Variants in SEMA3A observed in about 807,000 individuals in gnomAD.
SEMA3A encodes semaphorin-3A.
In SEMA3A, 29 loss-of-function variants were observed where a neutral mutation model predicts 97.9. The observed-to-expected ratio is 0.30, with a 90% CI of 0.22 to 0.40. The LOEUF is 0.40. SEMA3A is among the 10% of genes least tolerant of loss of function. The pLI is 1.00. For missense variants in SEMA3A, 763 were observed against 951.3 expected (o/e 0.80, Z 2.60); for synonymous variants, 321 against 323.7 (o/e 0.99, Z 0.09).
intron 1 of SEMA3A, among the ~76,000 whole-genome samples, chr7:84,423,395 C>T (rs555420323): frequency 6.6e-6 from 1 of 152,172 alleles, no homozygotes; most frequent in South Asian, 2.1e-4. Context: ...TGCCTTGAGA[C>T]CTTTGATTTG....
intron 2 of SEMA3A, among the ~76,000 whole-genome samples, chr7:84,333,157 G>T (rs568434446): frequency 6.6e-6 from 1 of 152,072 alleles, no homozygotes; most frequent in Non-Finnish European, 1.5e-5. Flanking sequence ...TGTCAAATTA[G>T]AAATAGCTTT....
intron 1 of SEMA3A, among the ~76,000 whole-genome samples, chr7:84,170,254 T>G (rs958805154): frequency 6.6e-6 from 1 of 151,978 alleles, no homozygotes; most frequent in Non-Finnish European, 1.5e-5. Flanking sequence ...TTCCCATCTT[T>G]TTATTTATAA....
At chr7:84,407,772 T>C (rs1375664994) in intron 1 of SEMA3A, among the ~76,000 whole-genome samples, 1 of 152,120 alleles carries the variant, frequency 6.6e-6, no homozygotes, top group Non-Finnish European at 1.5e-5. Flanking sequence ...TTGACAAACC[T>C]GACAAAAACG....
At chr7:84,446,429 C>T (rs1805416565) in intron 1 of SEMA3A, among the ~76,000 whole-genome samples, 1 of 152,072 alleles carries the variant, frequency 6.6e-6, no homozygotes, top group Non-Finnish European at 1.5e-5. Context: ...CAACAAAATA[C>T]TAGCAAACTG....
rs972439526 is a variant in SEMA3A at position 83,981,586 on chromosome 7, G to T, written c.1495-108C>A. ...ATAACTTCTCAGAGATAAATTAAGG[G>T]TTTAAAAAAATCATCCCTTTATTGC... On this transcript the variant is annotated intron_variant, in intron 13 of 16. Transcript: ENST00000265362. 7.1e-6 allele frequency: 7 copies of T among 992,378 alleles called. No individual in the cohort carries two copies. In the African/African-American group the frequency reaches 8.4e-5, roughly 12 times the overall value. The allele number at this position is 992,378 out of a possible 1,614,324, so 61.5% of individuals were successfully genotyped here. A position where few individuals can be genotyped will look rare whatever the true frequency, so the allele number is the denominator to read the frequency against.
chr7:84,269,952 A>G (rs1800102328), intron 3 of SEMA3A, among the ~76,000 whole-genome samples: 1 of 152,090 alleles, frequency 6.6e-6, no homozygotes, highest in Non-Finnish European at 1.5e-5. Context: ...AAAATAAAGA[A>G]AGCAATTTCT....
intron 6 of SEMA3A, among the ~76,000 whole-genome samples, chr7:84,039,670 C>G (rs947560554): frequency 6.6e-6 from 1 of 151,990 alleles, no homozygotes. Context: ...GATTTTTGAA[C>G]AGGAGAGTAT....
At chr7:84,341,970 T>C (rs1802182909) in intron 2 of SEMA3A, among the ~76,000 whole-genome samples, 1 of 152,158 alleles carries the variant, frequency 6.6e-6, no homozygotes, top group South Asian at 2.1e-4. Context: ...TACTCATTCT[T>C]CACATGTCAT....
chr7:84,142,870 A>G (rs1005146905), intron 1 of SEMA3A, among the ~76,000 whole-genome samples: 19 of 152,200 alleles, frequency 1.2e-4, no homozygotes, highest in African/African-American at 4.6e-4. Flanking sequence ...TGACTTAAAC[A>G]GAATTCACTC....
intron 3 of SEMA3A, among the ~76,000 whole-genome samples, chr7:84,255,802 T>A (rs1799707210): frequency 6.6e-6 from 1 of 151,950 alleles, no homozygotes; most frequent in Non-Finnish European, 1.5e-5. Context: ...GGCACTGATT[T>A]TTTTTTTCTG....
intron 3 of SEMA3A, among the ~76,000 whole-genome samples, chr7:84,288,739 C>G (rs1242819019): frequency 6.6e-6 from 1 of 151,926 alleles, no homozygotes; most frequent in African/African-American, 2.4e-5. Context: ...AAAACCATGC[C>G]AGTGTGTTCT....
chr7:84,305,686 T>C (rs1801137344), intron 3 of SEMA3A, among the ~76,000 whole-genome samples: 1 of 151,994 alleles, frequency 6.6e-6, no homozygotes, highest in Admixed American at 6.6e-5. Context: ...TTGAAACAGA[T>C]TTTAATTAGT....
chr7:83,980,639 TACACACACACACAC>T (rs68037473), intron 14 of SEMA3A, among the ~76,000 whole-genome samples: 2 of 88,428 alleles, frequency 2.3e-5, no homozygotes, highest in African/African-American at 9.2e-5. Context: ...TATATATATA[TACACACACACACAC>T]ATATACATAT....
intron 1 of SEMA3A, among the ~76,000 whole-genome samples, chr7:84,403,043 G>C (rs1242770975): frequency 2.0e-5 from 3 of 152,128 alleles, no homozygotes; most frequent in East Asian, 1.9e-4. Context: ...GTGCCGGAGA[G>C]TGGGTGCAGG....
chr7:84,101,227 G>A (rs768559762), intron 4 of SEMA3A, among the ~76,000 whole-genome samples: 1 of 152,172 alleles, frequency 6.6e-6, no homozygotes, highest in African/African-American at 2.4e-5. Context: ...GATCCATAAG[G>A]TTAGGTCCTT....
At position 84,391,824 on chromosome 7, in the gene SEMA3A, T is replaced by C. The variant is rs547945164; in HGVS notation, c.-245-19924A>G. On this transcript the variant is annotated intron_variant, in intron 1 of 3. Transcript: ENST00000424555. ...CCTTCTCTACAAAAAAATACAAACG[T>C]TAGCTGGGTGTGATGGTGTATGCCT... is the stretch of plus-strand genomic sequence containing the variant. Among the ~76,000 whole-genome samples the C allele has an allele frequency of 2.6e-5, 4 of 151,940 alleles. No individual in the cohort carries two copies. The East Asian group carries it at 7.8e-4, about 30-fold the overall frequency.
chr7:83,991,218 G>A (rs1789911373), intron 12 of SEMA3A, among the ~76,000 whole-genome samples: 1 of 151,838 alleles, frequency 6.6e-6, no homozygotes, highest in South Asian at 2.1e-4. Context: ...GGAGATTTTG[G>A]GCTGAGACAA....
chr7:84,338,552 T>C (rs1802090880), intron 2 of SEMA3A, among the ~76,000 whole-genome samples: 1 of 152,176 alleles, frequency 6.6e-6, no homozygotes, highest in Non-Finnish European at 1.5e-5. Context: ...CAGACTTTAC[T>C]TATAATACTC....
At chr7:84,162,901 G>C (rs1797083316) in intron 1 of SEMA3A, among the ~76,000 whole-genome samples, 1 of 152,144 alleles carries the variant, frequency 6.6e-6, no homozygotes. Flanking sequence ...TTTGTTTCAT[G>C]AAATAGACTC....
Sources: gnomAD v4.1 joint callset for allele counts (sites outside exome capture counted in the v4.1 genomes callset) on GRCh38, gnomAD v4.1.1 for gene constraint, MANE v1.5 for transcripts, NCBI Gene and HGNC (gene_info 2026-07-23, HGNC 2026-07-21) for gene names.